Variants in TENT5A observed in about 807,000 individuals in gnomAD.
TENT5A encodes terminal nucleotidyltransferase 5A, also known as HBV X-transactivated gene 11 protein.
A neutral mutation model predicts 30.2 loss-of-function variants in TENT5A; 9 were observed. The ratio of observed to expected loss-of-function variants is 0.30; its 90% CI spans 0.18 to 0.52. The LOEUF (loss-of-function observed/expected upper bound fraction) is 0.52. Among genes scored for constraint, TENT5A ranks in the 20% least tolerant of loss-of-function variants. The pLI, the probability that TENT5A is intolerant of heterozygous loss-of-function variation, is 0.97. For synonymous variants in TENT5A, 264 were observed against 234.2 expected (o/e 1.13, Z -1.16); for missense variants, 411 against 566.1 (o/e 0.73, Z 2.78).
At position 81,749,911 on chromosome 6, in the gene TENT5A, T is replaced by C. The variant is rs1432089880; in HGVS notation, c.1113A>G (p.Gly371=). ...GGTTTAAAGTCTGTCTTCTTTCATGTCCCATCAGGCACACTGTGCTCTCAT... is the reference window on the plus strand; with the variant it reads ...GGTTTAAAGTCTGTCTTCTTTCATGCCCCATCAGGCACACTGTGCTCTCAT... The part of the protein sequence containing the change: ...VVNESTVCLM[G]HERRQTLNLI... The change falls in exon 3 of 3, where the codon GGA becomes GGG. Residue 371 remains glycine (G), a synonymous_variant. Coordinates refer to ENST00000320172, the MANE Select transcript of TENT5A (RefSeq NM_017633.3). The C allele has an allele frequency of 1.2e-6, 2 of 1,614,134 alleles. No homozygotes were observed. The highest frequency in any genetic ancestry group is 1.7e-6 in the Non-Finnish European group (2 of 1,180,010).
Position 81,751,666 on chromosome 6 carries a change from T to A in TENT5A, c.476A>T (p.Asp159Val), listed in dbSNP as rs1168328083. Residue 159 changes from aspartate (D) to valine (V), a missense_variant, in exon 2 of 3, where the codon GAC (aspartate) becomes GTC (valine). Asp to Val is a radical substitution (Grantham distance 152). This residue lies in a region of TENT5A where 157 missense variants were observed against 183.2 expected (regional missense o/e 0.86). Coordinates refer to ENST00000320172, the MANE Select transcript of TENT5A (RefSeq NM_017633.3). ...RGEGEFQTVK[D>V]VVLDCLLDFL... ...GTCCAACAGGCAGTCCAGCACGACGTCCTTCACAGTCTGAAACTCCCCTTC... is the reference window on the plus strand; with the variant it reads ...GTCCAACAGGCAGTCCAGCACGACGACCTTCACAGTCTGAAACTCCCCTTC... 6.2e-7 allele frequency: 1 copy of A among 1,614,018 alleles called. No individual in the cohort carries two copies. The highest frequency in any genetic ancestry group is 8.5e-7 in the Non-Finnish European group (1 of 1,180,036).
In TENT5A at chr6:81,752,619, G is replaced by T; in HGVS notation, c.-226C>A. On this transcript the variant is annotated 5_prime_UTR_variant, in exon 1 of 3. Transcript: ENST00000320172. ...CGCCGCTGCCACCCCAGCTGCGGTG[G>T]TCCCGAACTGGCGGCTCTTGCTGCC... 1 of 728,858 alleles carries T rather than the reference G, an allele frequency of 1.4e-6. No individual in the cohort carries two copies. Among genetic ancestry groups the T allele is most frequent in the Non-Finnish European group, 2.5e-6 (1 of 395,734 alleles). The allele number at this position is 728,858 out of a possible 1,614,324, so 45.1% of individuals were successfully genotyped here.
Position 81,750,253 on chromosome 6 carries a change from G to A in TENT5A, c.771C>T (p.Pro257=), listed in dbSNP as rs761210444. Residue 257 remains proline, a synonymous_variant, in exon 3 of 3, where the codon CCC becomes CCT. Transcript: ENST00000320172. The surrounding 1 kb of genome is among the most constrained non-coding windows in gnomAD (Gnocchi z 4.2). ...SENPMTETFH[P]TIIGESVYGD... ...CATAGACGCTCTCCCCGATTATTGTGGGGTGAAATGTCTCAGTCATTGGGT... is the reference window on the plus strand; with the variant it reads ...CATAGACGCTCTCCCCGATTATTGTAGGGTGAAATGTCTCAGTCATTGGGT... 1.9e-6 allele frequency: 3 copies of A among 1,614,120 alleles called. No homozygotes were observed. Among genetic ancestry groups the A allele is most frequent in the East Asian group, 4.5e-5 (2 of 44,874 alleles).
Position 81,748,557 on chromosome 6 carries a change from A to G in TENT5A, c.*1138T>C, listed in dbSNP as rs2127726137. On this transcript the variant is annotated 3_prime_UTR_variant, in exon 3 of 3. Coordinates refer to ENST00000320172, the MANE Select transcript of TENT5A (RefSeq NM_017633.3). ...TCCTGTTGAAAACATAAAAACACAC[A>G]GTATTTAAACATTTCCTATTTGAGA... 1.0e-6 allele frequency: 1 copy of G among 982,236 alleles called. No individual in the cohort carries two copies. The allele number at this position is 982,236 out of a possible 1,614,324, so 60.8% of individuals were successfully genotyped here. A position where few individuals can be genotyped will look rare whatever the true frequency, so the allele number is the denominator to read the frequency against.
chr6:81,746,752 C>T lies in TENT5A; in HGVS notation c.*2943G>A, dbSNP rs532594528. On this transcript the variant is annotated 3_prime_UTR_variant, in exon 3 of 3. Coordinates refer to ENST00000320172, the MANE Select transcript of TENT5A (RefSeq NM_017633.3). Reference sequence around the variant, plus strand: ...CAAATCACAGGCGCTAATAGGGAGTCGGGAGCTGTTCTTTTCTCTGACCTA... The same window carrying T: ...CAAATCACAGGCGCTAATAGGGAGTTGGGAGCTGTTCTTTTCTCTGACCTA... 9.4e-5 allele frequency: 115 copies of T among 1,220,134 alleles called. No homozygotes were observed. The highest frequency in any genetic ancestry group is 1.1e-4 in the Non-Finnish European group (112 of 980,978). The allele number at this position is 1,220,134 out of a possible 1,614,324, so 75.6% of individuals were successfully genotyped here.
Position 81,751,641 on chromosome 6 carries a change from G to T in TENT5A, c.501C>A (p.Asp167Glu), listed in dbSNP as rs1562142864. Residue 167 changes from aspartate to glutamate, a missense_variant, in exon 2 of 3, where the codon GAC becomes GAA. Asp to Glu is a conservative substitution (Grantham distance 45). Transcript: ENST00000320172. Reference sequence around the variant, plus strand: ...CTTTGTTCACCCCCTCGGGTAAGAAGTCCAACAGGCAGTCCAGCACGACGT... The same window carrying T: ...CTTTGTTCACCCCCTCGGGTAAGAATTCCAACAGGCAGTCCAGCACGACGT... Reference protein sequence around the residue: ...VKDVVLDCLLDFLPEGVNKEK... With the variant: ...VKDVVLDCLLEFLPEGVNKEK... The T allele has an allele frequency of 6.2e-7, 1 of 1,614,086 alleles. No homozygotes were observed.
Position 81,745,808 on chromosome 6 carries a change from C to A in TENT5A, c.*3887G>T. 1.0e-6 allele frequency: 1 copy of A among 985,800 alleles called. No homozygotes were observed. Among genetic ancestry groups the A allele is most frequent in the Non-Finnish European group, 1.2e-6 (1 of 829,866 alleles). 61.1% of individuals were successfully genotyped at this position (985,800 alleles called of 1,614,324 possible). A position where few individuals can be genotyped will look rare whatever the true frequency, so the allele number is the denominator to read the frequency against. On this transcript the variant is annotated 3_prime_UTR_variant, in exon 3 of 3. Coordinates refer to ENST00000320172, the MANE Select transcript of TENT5A (RefSeq NM_017633.3). The stretch of plus-strand genomic sequence containing the variant: ...TGTAAACAAAATTCACAATCTGTTC[C>A]CTCTAGCACTGATTCAAACATGTCA...
At position 81,752,031 on chromosome 6, in the gene TENT5A, G is replaced by T; in HGVS notation, c.111C>A (p.Phe37Leu). Residue 37 changes from phenylalanine to leucine, a missense_variant, in exon 2 of 3, where the codon TTC becomes TTA. This residue lies in a region of TENT5A where 10 missense variants were observed against 32.6 expected (regional missense o/e 0.31). Transcript: ENST00000320172. ...FGGGDFGGGD[F>L]GGGDFGGGGS... is the part of the protein sequence containing the mutation. ...CGCCACCGCCGAAGTCGCCGCCGCC[G>T]AAGTCGCCGCCGCCGAAGTCGCCGC... The T allele has an allele frequency of 6.3e-7, 1 of 1,578,060 alleles. No homozygotes were observed. The highest frequency in any genetic ancestry group is 2.2e-5 in the East Asian group (1 of 44,482).
At chr6:81,752,205 T>TGAGGACGCGCGGCGGCGGA (rs1554200580) in intron 1 of TENT5A, 27 bp from the exon 2 acceptor site, 25 of 1,474,856 alleles carry the variant, frequency 1.7e-5, no homozygotes, top group African/African-American at 2.9e-5. Flanking sequence ...AGGAGCGCGG[T>TGAGGACGCGCGGCGGCGGA]GAGGACGCGC....
chr6:81,749,350 G>T lies in TENT5A; in HGVS notation c.*345C>A. 9.6e-7 allele frequency: 1 copy of T among 1,041,298 alleles called. No individual in the cohort carries two copies. Among genetic ancestry groups the T allele is most frequent in the Non-Finnish European group, 1.2e-6 (1 of 867,546 alleles). The allele number at this position is 1,041,298 out of a possible 1,614,324, so 64.5% of individuals were successfully genotyped here. A position where few individuals can be genotyped will look rare whatever the true frequency, so the allele number is the denominator to read the frequency against. On this transcript the variant is annotated 3_prime_UTR_variant, in exon 3 of 3. Transcript: ENST00000320172. The stretch of plus-strand genomic sequence containing the variant: ...ACTTTCCACTTTTTTTTTTCCTATG[G>T]CAAAGCTATGGGAGCAGATACAGCA...
Position 81,749,738 on chromosome 6 carries a change from G to A in TENT5A, c.1286C>T (p.Thr429Met), listed in dbSNP as rs1164586544. ...YYIAQVQPVF[T>M]CQQQTYSTWL... ...AGTGGAGTAGGTCTGTTGCTGGCACGTGAATACTGGCTGAACCTGTGCAAT... is the reference window on the plus strand; with the variant it reads ...AGTGGAGTAGGTCTGTTGCTGGCACATGAATACTGGCTGAACCTGTGCAAT... Residue 429 changes from threonine to methionine, a missense_variant, in exon 3 of 3, where the codon ACG becomes ATG. By Grantham distance (81) the Thr-to-Met change is moderately conservative (BLOSUM62 -1). Transcript: ENST00000320172. 1.6e-5 allele frequency: 26 copies of A among 1,613,352 alleles called. No individual in the cohort carries two copies. The highest frequency in any genetic ancestry group is 3.3e-5 in the South Asian group (3 of 91,066).
chr6:81,752,098 A>C lies in TENT5A; in HGVS notation c.44T>G (p.Leu15Arg), dbSNP rs1769055986. The C allele has an allele frequency of 6.7e-7, 1 of 1,486,032 alleles. No homozygotes were observed. Among genetic ancestry groups the C allele is most frequent in the South Asian group, 1.3e-5 (1 of 76,760 alleles). The allele number at this position is 1,486,032 out of a possible 1,614,324, so 92.1% of individuals were successfully genotyped here. A position where few individuals can be genotyped will look rare whatever the true frequency, so the allele number is the denominator to read the frequency against. ...TAGGGGGATGTAGGGGCTGCAGGCC[A>C]GCTCGTCCTCAGACATGGCGAAGTA... ...EGYFAMSEDE[L>R]ACSPYIPLGG... is the part of the protein sequence containing the mutation. The change falls in exon 2 of 3, where the codon CTG becomes CGG. Residue 15 changes from leucine (L) to arginine (R), a missense_variant. By Grantham distance (102) the Leu-to-Arg change is moderately radical. Coordinates refer to ENST00000320172, the MANE Select transcript of TENT5A (RefSeq NM_017633.3).
In TENT5A at chr6:81,750,118, C is replaced by T; in HGVS notation, c.906G>A (p.Arg302=). 1 of 1,613,574 alleles carries T rather than the reference C, an allele frequency of 6.2e-7. No homozygotes were observed. The highest frequency in any genetic ancestry group is 8.5e-7 in the Non-Finnish European group (1 of 1,179,774). The change falls in exon 3 of 3, where the codon AGG becomes AGA. Residue 302 remains arginine (R), a synonymous_variant. Transcript: ENST00000320172. This position sits in a 1 kb window ranked among gnomAD's most constrained non-coding sequence, Gnocchi z 4.2. The stretch of plus-strand genomic sequence containing the variant: ...TTTCATCAGAGGCGGGCCTAAAGCC[C>T]CTCACCAAGAGGTTGCAGTACTTAA... ...GLLKYCNLLV[R]GFRPASDEIK...
chr6:81,746,647 G>A lies in TENT5A; in HGVS notation c.*3048C>T. ...TTCTCTGACATGCCAGGCTGGACAGGTGAGAAGAGCCTCCAAAAGACAAAA... is the reference window on the plus strand; with the variant it reads ...TTCTCTGACATGCCAGGCTGGACAGATGAGAAGAGCCTCCAAAAGACAAAA... On this transcript the variant is annotated 3_prime_UTR_variant, in exon 3 of 3. Transcript: ENST00000320172. 1 of 1,231,592 alleles carries A rather than the reference G, an allele frequency of 8.1e-7. No individual in the cohort carries two copies. The highest frequency in any genetic ancestry group is 1.0e-6 in the Non-Finnish European group (1 of 987,624). The allele number at this position is 1,231,592 out of a possible 1,614,324, so 76.3% of individuals were successfully genotyped here.
Position 81,751,881 on chromosome 6 carries a change from G to A in TENT5A, c.261C>T (p.Arg87=), listed in dbSNP as rs745376204. ...ILSETIPIHG[R]GNFPTLELQP... ...GCAGCTCGAGCGTGGGGAAGTTGCC[G>A]CGCCCGTGAATCGGAATGGTCTCGC... The change falls in exon 2 of 3, where the codon CGC becomes CGT. Residue 87 remains arginine, a synonymous_variant. Coordinates refer to ENST00000320172, the MANE Select transcript of TENT5A (RefSeq NM_017633.3). The A allele has an allele frequency of 4.3e-6, 7 of 1,613,184 alleles. No homozygotes were observed. Among genetic ancestry groups the A allele is most frequent in the Non-Finnish European group, 5.9e-6 (7 of 1,179,924 alleles).
Position 81,748,238 on chromosome 6 carries a change from C to A in TENT5A, c.*1457G>T. 1 of 983,324 alleles carries A rather than the reference C, an allele frequency of 1.0e-6. No homozygotes were observed. Among genetic ancestry groups the A allele is most frequent in the Non-Finnish European group, 1.2e-6 (1 of 829,442 alleles). 60.9% of individuals were successfully genotyped at this position (983,324 alleles called of 1,614,324 possible). The stretch of plus-strand genomic sequence containing the variant: ...GGGATTTAAGTAGCCTATTACTGAT[C>A]CATGATCCACTAGATTAAACATCAT... On this transcript the variant is annotated 3_prime_UTR_variant, in exon 3 of 3. Coordinates refer to ENST00000320172, the MANE Select transcript of TENT5A (RefSeq NM_017633.3).
At position 81,749,472 on chromosome 6, in the gene TENT5A, T is replaced by G. The variant is rs895216429; in HGVS notation, c.*223A>C. 2.4e-5 allele frequency: 31 copies of G among 1,285,888 alleles called. No individual in the cohort carries two copies. The highest frequency in any genetic ancestry group is 2.8e-5 in the Non-Finnish European group (29 of 1,018,546). 79.7% of individuals were successfully genotyped at this position (1,285,888 alleles called of 1,614,324 possible). On this transcript the variant is annotated 3_prime_UTR_variant, in exon 3 of 3. Transcript: ENST00000320172. Reference sequence around the variant, plus strand: ...CTTTTTTTGCAGGATAGAATCCAATTGGGTAGGAGAATAAGAGAAGGGAAA... The same window carrying G: ...CTTTTTTTGCAGGATAGAATCCAATGGGGTAGGAGAATAAGAGAAGGGAAA...
At position 81,748,654 on chromosome 6, in the gene TENT5A, C is replaced by T. The variant is rs1302440029; in HGVS notation, c.*1041G>A. On this transcript the variant is annotated 3_prime_UTR_variant, in exon 3 of 3. Transcript: ENST00000320172. ...AATGTATATATAAAATGTATATATA[C>T]ACACACACATATAATTTATACACAC... 1.7e-5 allele frequency: 15 copies of T among 879,214 alleles called. No homozygotes were observed. Among genetic ancestry groups the T allele is most frequent in the East Asian group, 1.2e-4 (1 of 8,266 alleles). 54.5% of individuals were successfully genotyped at this position (879,214 alleles called of 1,614,324 possible).
rs749179494 is a variant in TENT5A at position 81,750,498 on chromosome 6, G to C, written c.553-27C>G. 5.3e-6 allele frequency: 7 copies of C among 1,309,636 alleles called. No individual in the cohort carries two copies. The highest frequency in any genetic ancestry group is 7.3e-6 in the Non-Finnish European group (7 of 956,942). 81.1% of individuals were successfully genotyped at this position (1,309,636 alleles called of 1,614,324 possible). A position where few individuals can be genotyped will look rare whatever the true frequency, so the allele number is the denominator to read the frequency against. On this transcript the variant is annotated intron_variant, in intron 2 of 2. Coordinates refer to ENST00000320172, the MANE Select transcript of TENT5A (RefSeq NM_017633.3). The surrounding 1 kb of genome is among the most constrained non-coding windows in gnomAD (Gnocchi z 4.2). ...TACAATTTAAAAGATAAAACAAAAT[G>C]AGCAAACCTAGAAAATAATAAATCA...
Sources: allele counts gnomAD v4.1 joint callset, GRCh38; gene constraint gnomAD v4.1.1; regional missense constraint gnomAD v4.1.1; non-coding constraint Gnocchi (gnomAD v3.1); transcripts MANE v1.5; gene names NCBI Gene and HGNC (gene_info 2026-07-23, HGNC 2026-07-21).